Variants in SGCE observed in about 807,000 individuals in gnomAD.
SGCE encodes the protein epsilon-sarcoglycan.
Under a neutral mutation model 57.8 loss-of-function variants are expected in SGCE, and 26 were observed. That is an observed-to-expected ratio of 0.45 (90% confidence interval 0.33 to 0.62). SGCE has a LOEUF of 0.62. SGCE is among the 20% of genes least tolerant of loss of function. SGCE has a pLI of 0.02. For missense variants in SGCE, 468 were observed against 548.6 expected, an observed-to-expected ratio of 0.85 and a Z score of 1.47; for synonymous variants, 183 against 189.5, an observed-to-expected ratio of 0.97 and a Z score of 0.28.
intron 1 of SGCE, 78 bp downstream of exon 1, chr7:94,655,912 G>T (rs1808590210): frequency 2.0e-5 from 18 of 920,378 alleles, no homozygotes; most frequent in Non-Finnish European, 3.0e-5. Flanking sequence ...GCGCTCAGGC[G>T]CCCGGAACCC....
At chr7:94,653,299 G>A (rs1808143430) in intron 1 of SGCE, among the ~76,000 whole-genome samples, 1 of 151,954 alleles carries the variant, frequency 6.6e-6, no homozygotes, top group Non-Finnish European at 1.5e-5. Flanking sequence ...TTAAATATAG[G>A]TGTTAAATCA....
intron 5 of SGCE, among the ~76,000 whole-genome samples, chr7:94,604,642 A>G (rs1799762275): frequency 6.6e-6 from 1 of 151,628 alleles, no homozygotes; most frequent in Admixed American, 6.6e-5. Flanking sequence ...AGGAAAGAAT[A>G]GTTGTTATAA....
chr7:94,587,552 G>A, intron 10 of SGCE: 1 of 1,318,688 alleles, frequency 7.6e-7, no homozygotes, highest in East Asian at 3.1e-5. Context: ...TGGTAGTAGG[G>A]ATTCATTTAT....
chr7:94,640,670 T>C (rs1283294604), intron 1 of SGCE, among the ~76,000 whole-genome samples: 1 of 152,110 alleles, frequency 6.6e-6, no homozygotes, highest in African/African-American at 2.4e-5. Flanking sequence ...TTTTTTGAGA[T>C]GGAGTCTCAC....
At chr7:94,622,085 C>T (rs1037691219) in intron 4 of SGCE, 1 of 152,102 alleles carries the variant, frequency 6.6e-6, no homozygotes, top group African/African-American at 2.4e-5. Flanking sequence ...TCTTTCATAT[C>T]GTGTAAAAGT....
At chr7:94,608,324 C>A (rs1245422932) in intron 5 of SGCE, among the ~76,000 whole-genome samples, 2 of 151,922 alleles carry the variant, frequency 1.3e-5, no homozygotes, top group East Asian at 3.9e-4. Context: ...CGACAGAGTA[C>A]CCTCCAAAAT....
chr7:94,585,243 T>C lies in SGCE; in HGVS notation c.*256A>G, dbSNP rs1796748537. 2.3e-6 allele frequency: 1 copy of C among 434,510 alleles called. No homozygotes were observed. The highest frequency in any genetic ancestry group is 3.7e-5 in the Admixed American group (1 of 27,066). 26.9% of individuals were successfully genotyped at this position (434,510 alleles called of 1,614,324 possible). On this transcript the variant is annotated 3_prime_UTR_variant, in exon 11 of 11. Coordinates refer to ENST00000648936, the MANE Select transcript of SGCE (RefSeq NM_003919.3). Reference sequence around the variant, plus strand: ...CAGTCATTAGGCTTCATTAATAATATTTATTTTAAAGATCAACTTTTATTG... The same window carrying C: ...CAGTCATTAGGCTTCATTAATAATACTTATTTTAAAGATCAACTTTTATTG...
chr7:94,644,641 T>C, intron 1 of SGCE: 1 of 1,286,944 alleles, frequency 7.8e-7, no homozygotes, highest in South Asian at 1.2e-5. Context: ...CTCTGTCCAC[T>C]ACTTCATTTG....
chr7:94,596,869 C>T (rs914499578), intron 9 of SGCE, among the ~76,000 whole-genome samples: 7 of 151,878 alleles, frequency 4.6e-5, no homozygotes, highest in East Asian at 1.9e-4. Flanking sequence ...TTCACTGGCA[C>T]GCTAGGGTAA....
intron 3 of SGCE, chr7:94,625,613 C>T (rs1178977126): frequency 2.6e-5 from 4 of 151,976 alleles, no homozygotes; most frequent in Non-Finnish European, 5.9e-5. Flanking sequence ...TTTAGTTTGC[C>T]TGTTTTTGAG....
chr7:94,645,622 C>G lies in SGCE; in HGVS notation c.109+10368G>C, dbSNP rs114615639. 2.5e-3 allele frequency among the ~76,000 whole-genome samples: 380 copies of G among 152,268 alleles called. 1 individual carries two copies. Among genetic ancestry groups the G allele is most frequent in the African/African-American group, 8.8e-3 (366 of 41,558 alleles). On this transcript the variant is annotated intron_variant, in intron 1 of 10. Transcript: ENST00000648936. ...CAGAAAGGTAGTGTTTAACATCAGTCTTTACAGACAGTGTCTGGGTTCAAA... is the reference window on the plus strand; with the variant it reads ...CAGAAAGGTAGTGTTTAACATCAGTGTTTACAGACAGTGTCTGGGTTCAAA...
At chr7:94,625,277 C>T (rs957978205) in intron 3 of SGCE, 1 of 151,852 alleles carries the variant, frequency 6.6e-6, no homozygotes, top group Admixed American at 6.6e-5. Flanking sequence ...TTTTAAAATA[C>T]TATACCTGTT....
intron 9 of SGCE, 167 bp from the exon 10 acceptor site, chr7:94,588,899 C>T (rs1797268604): frequency 4.4e-6 from 3 of 687,862 alleles, no homozygotes; most frequent in Admixed American, 2.5e-5. Flanking sequence ...AAACTGAGGT[C>T]TGAGGAGAAT....
At chr7:94,625,088 TGTGA>T (rs769441533) in intron 3 of SGCE, 5 of 151,990 alleles carry the variant, frequency 3.3e-5, no homozygotes, top group Admixed American at 6.6e-5. Flanking sequence ...CAGAAGAAAA[TGTGA>T]GTGTCTACGT....
chr7:94,607,910 C>T (rs1034052755), intron 5 of SGCE, among the ~76,000 whole-genome samples: 2 of 152,156 alleles, frequency 1.3e-5, no homozygotes, highest in African/African-American at 4.8e-5. Flanking sequence ...ATTACAGCAA[C>T]GTTGCAGGAA....
At chr7:94,620,093 C>T (rs2116891043) in intron 4 of SGCE, 1 of 152,226 alleles carries the variant, frequency 6.6e-6, no homozygotes, top group East Asian at 1.9e-4. Context: ...TCATTTATTT[C>T]AATAAAATTC....
intron 1 of SGCE, 102 bp downstream of exon 1, chr7:94,655,888 G>GGT: frequency 5.5e-6 from 4 of 720,832 alleles, no homozygotes; most frequent in Non-Finnish European, 1.0e-5. Flanking sequence ...AAGAGAGGCT[G>GGT]GTGCCCAAAG....
At position 94,603,276 on chromosome 7, in the gene SGCE, A is replaced by G. The variant is rs1368061714; in HGVS notation, c.825+14T>C. ...ATTTTTAACTAAACTTGCAAAAACA[A>G]AATAAAAACTTACCAATGAAATTTT... On this transcript the variant is annotated intron_variant, in intron 6 of 10. Transcript: ENST00000648936. 1.0e-5 allele frequency: 16 copies of G among 1,606,322 alleles called. No homozygotes were observed. The highest frequency in any genetic ancestry group is 1.4e-5 in the Non-Finnish European group (16 of 1,174,316).
chr7:94,595,765 C>G (rs1169330956), intron 9 of SGCE, among the ~76,000 whole-genome samples: 1 of 152,036 alleles, frequency 6.6e-6, no homozygotes, highest in African/African-American at 2.4e-5. Flanking sequence ...ACAATAAATT[C>G]CCTATTATCT....
Sources: gnomAD v4.1 joint callset for allele counts (sites outside exome capture counted in the v4.1 genomes callset) on GRCh38, gnomAD v4.1.1 for gene constraint, MANE v1.5 for transcripts, NCBI Gene and HGNC (gene_info 2026-07-23, HGNC 2026-07-21) for gene names.